The following ZNF638 variants were observed in gnomAD, a reference collection of about 807,000 sequenced individuals.
ZNF638 encodes CTCL tumor antigen se33-1.
In ZNF638, 46 loss-of-function variants were observed where a neutral mutation model predicts 195.6. The observed-to-expected ratio is 0.24, with a 90% CI of 0.19 to 0.30. The LOEUF (loss-of-function observed/expected upper bound fraction) is 0.30, where lower values mean the gene tolerates loss of function less well. Ranked by LOEUF, ZNF638 falls within the 10% of genes least tolerant of loss-of-function variation. ZNF638 has a pLI of 1.00. For missense variants in ZNF638, 2,440 were observed against 2,325.3 expected, an observed-to-expected ratio of 1.05 and a Z score of -1.01; for synonymous variants, 845 against 772.0, an observed-to-expected ratio of 1.09 and a Z score of -1.57.
In ZNF638 at chr2:71,426,521, T is replaced by G. The variant is rs1488510162; in HGVS notation, c.4652T>G (p.Val1551Gly). ...FVTVDEVIEE[V>G]NPSQAKQNPL... ...ACTGTGGATGAGGTTATAGAAGAAGTGAATCCTTCTCAGGCCAAGCAGAAT... is the reference window on the plus strand; with the variant it reads ...ACTGTGGATGAGGTTATAGAAGAAGGGAATCCTTCTCAGGCCAAGCAGAAT... The change falls in exon 24 of 28, where the codon GTG (valine) becomes GGG (glycine). Residue 1551 changes from valine to glycine, a missense_variant. By Grantham distance (109) the Val-to-Gly change is moderately radical. Around this residue, in one of 5 missense-constraint regions of ZNF638, gnomAD observed 1,883 missense variants for 1,739.1 expected, o/e 1.08. Coordinates refer to ENST00000264447, the MANE Select transcript of ZNF638 (RefSeq NM_014497.5). 6.2e-7 allele frequency: 1 copy of G among 1,611,312 alleles called. No individual in the cohort carries two copies. Among genetic ancestry groups the G allele is most frequent in the Non-Finnish European group, 8.5e-7 (1 of 1,179,310 alleles).
At chr2:71,410,994 T>TTTTC (rs2080207898) in intron 20 of ZNF638, among the ~76,000 whole-genome samples, 1 of 93,808 alleles carries the variant, frequency 1.1e-5, no homozygotes, top group Non-Finnish European at 2.0e-5. Context: ...CCCCCCCCCT[T>TTTTC]TTTTTTTTTT....
At chr2:71,425,996 GT>G (rs2152605257) in intron 23 of ZNF638, among the ~76,000 whole-genome samples, 1 of 152,262 alleles carries the variant, frequency 6.6e-6, no homozygotes, top group South Asian at 2.1e-4. Flanking sequence ...ATTAGTTAAT[GT>G]GTAATCAATA....
At chr2:71,431,633 G>A (rs181393010) in intron 26 of ZNF638, among the ~76,000 whole-genome samples, 5 of 152,142 alleles carry the variant, frequency 3.3e-5, no homozygotes, top group East Asian at 1.9e-4. Flanking sequence ...GGTGGCGGGC[G>A]CCTGTAGTCC....
intron 2 of ZNF638, among the ~76,000 whole-genome samples, chr2:71,353,449 C>T (rs141703599): frequency 4.0e-4 from 61 of 152,304 alleles, no homozygotes; most frequent in African/African-American, 1.5e-3. Flanking sequence ...CTTGCAGCAT[C>T]TCCTGCTAGT....
intron 10 of ZNF638, chr2:71,395,234 T>G (rs1201215400): frequency 1.4e-6 from 1 of 717,304 alleles, no homozygotes; most frequent in Non-Finnish European, 2.6e-6. Flanking sequence ...CTTATGTTAT[T>G]TACTAATTCT....
At chr2:71,429,820 T>A (rs1009993820) in intron 25 of ZNF638, among the ~76,000 whole-genome samples, 1 of 152,226 alleles carries the variant, frequency 6.6e-6, no homozygotes, top group Non-Finnish European at 1.5e-5. Context: ...ACATGATTGG[T>A]TACTTTTGAT....
At chr2:71,425,935 A>C (rs1210420102) in intron 23 of ZNF638, among the ~76,000 whole-genome samples, 2 of 152,172 alleles carry the variant, frequency 1.3e-5, no homozygotes, top group East Asian at 1.9e-4. Context: ...GATTACAGGC[A>C]TGAGCCACCA....
intron 26 of ZNF638, among the ~76,000 whole-genome samples, chr2:71,432,242 C>T (rs2080681011): frequency 6.6e-6 from 1 of 152,270 alleles, no homozygotes; most frequent in Admixed American, 6.5e-5. Flanking sequence ...ATTCTGTCAG[C>T]CAGGCTGGAG....
At chr2:71,373,864 C>T (rs1049694357) in intron 8 of ZNF638, 2 of 152,076 alleles carry the variant, frequency 1.3e-5, no homozygotes, top group East Asian at 1.9e-4. Flanking sequence ...ACTCTATCAC[C>T]CAGGCTGGAA....
At chr2:71,356,780 C>CA (rs368403112) in intron 3 of ZNF638, among the ~76,000 whole-genome samples, 109 of 143,404 alleles carry the variant, frequency 7.6e-4, no homozygotes, top group South Asian at 2.6e-3. Flanking sequence ...CAGCCTGTTT[C>CA]AAAAAAAAAA....
intron 6 of ZNF638, among the ~76,000 whole-genome samples, chr2:71,365,951 T>G (rs1282878602): frequency 6.6e-6 from 1 of 152,210 alleles, no homozygotes; most frequent in Non-Finnish European, 1.5e-5. Flanking sequence ...ACTACTAGGT[T>G]CAGGCAGTCC....
intron 23 of ZNF638, 24 bp downstream of exon 23, chr2:71,424,739 A>C (rs773961104): frequency 1.3e-6 from 2 of 1,584,446 alleles, no homozygotes; most frequent in Non-Finnish European, 1.7e-6. Context: ...CACAGACCCT[A>C]ACCCTTCTTT....
Position 71,332,463 on chromosome 2 carries a change from T to G in ZNF638, c.-203+588T>G, listed in dbSNP as rs1044850921. Among the ~76,000 whole-genome samples, 6 of 152,160 alleles carry G rather than the reference T, an allele frequency of 3.9e-5. No homozygotes were observed. The East Asian group carries it at 1.2e-3, about 29-fold the overall frequency. ...GGGAATGTTAGGATCCAGCGGCTTT[T>G]CCGGGCTGGTGTTCTGTGCTGCGTA... On this transcript the variant is annotated intron_variant, in intron 1 of 27. Transcript: ENST00000264447.
intron 20 of ZNF638, among the ~76,000 whole-genome samples, chr2:71,409,295 TAATC>T (rs1352480677): frequency 1.3e-5 from 2 of 152,208 alleles, no homozygotes; most frequent in Non-Finnish European, 2.9e-5. Context: ...AATGAGTTAA[TAATC>T]AACTCTATAT....
In ZNF638 at chr2:71,407,072, G is replaced by A. The variant is rs75355478; in HGVS notation, c.3135+810G>A. ...AAAAATTATTCATTTATTTACATTT[G>A]GTATGCCTTCTGTATTTAATATGTA... On this transcript the variant is annotated intron_variant, in intron 19 of 27. Coordinates refer to ENST00000264447, the MANE Select transcript of ZNF638 (RefSeq NM_014497.5). 1.8e-4 allele frequency among the ~76,000 whole-genome samples: 28 copies of A among 152,062 alleles called. No homozygotes were observed. In the East Asian group the frequency reaches 5.2e-3, roughly 28 times the overall value.
intron 25 of ZNF638, among the ~76,000 whole-genome samples, chr2:71,430,700 G>A (rs181951500): frequency 9.8e-5 from 15 of 152,306 alleles, no homozygotes; most frequent in African/African-American, 3.1e-4. Flanking sequence ...ATGTAAAAGG[G>A]TTTTGTCAAG....
chr2:71,379,850 AG>A (rs2079503140), intron 8 of ZNF638: 1 of 153,660 alleles, frequency 6.5e-6, no homozygotes, highest in Admixed American at 6.5e-5. Context: ...GTGCTGCTGA[AG>A]GGAGCGTTTT....
At chr2:71,353,138 A>C (rs1345857154) in intron 2 of ZNF638, among the ~76,000 whole-genome samples, 2 of 152,216 alleles carry the variant, frequency 1.3e-5, no homozygotes, top group African/African-American at 2.4e-5. Flanking sequence ...GTAAATTACC[A>C]ATTGTAAACT....
At chr2:71,338,347 A>G (rs1175249181) in intron 1 of ZNF638, among the ~76,000 whole-genome samples, 1 of 152,176 alleles carries the variant, frequency 6.6e-6, no homozygotes, top group African/African-American at 2.4e-5. Context: ...TTCCGCATTG[A>G]TTAATTTATT....
Sources: allele counts gnomAD v4.1 joint callset (sites outside exome capture counted in the v4.1 genomes callset), GRCh38; gene constraint gnomAD v4.1.1; regional missense constraint gnomAD v4.1.1; transcripts MANE v1.5; gene names NCBI Gene and HGNC (gene_info 2026-07-23, HGNC 2026-07-21).